Variants in TIMP2 observed in about 807,000 individuals in gnomAD.
The protein encoded by TIMP2 is metalloproteinase inhibitor 2.
A neutral mutation model predicts 24.3 loss-of-function variants in TIMP2; 5 were observed. The ratio of observed to expected loss-of-function variants is 0.21; its 90% CI spans 0.11 to 0.43. The LOEUF (loss-of-function observed/expected upper bound fraction) is 0.43. Among genes scored for constraint, TIMP2 ranks in the 20% least tolerant of loss-of-function variants. The probability of loss-of-function intolerance (pLI) is 1.00; values close to 1 mark genes in which losing one functional copy is unlikely to be tolerated. For missense variants in TIMP2, 221 were observed against 297.5 expected (o/e 0.74, Z 1.89); for synonymous variants, 130 against 123.2 (o/e 1.06, Z -0.37).
chr17:78,873,798 G>A (rs1271841032), intron 2 of TIMP2, 21 bp downstream of exon 2: 6 of 1,601,302 alleles, frequency 3.7e-6, no homozygotes, highest in Middle Eastern at 1.7e-4. Context: ...TGCAGCCCGG[G>A]ATGCCGGCAG....
At chr17:78,901,666 G>A in intron 1 of TIMP2, 1 of 711,530 alleles carries the variant, frequency 1.4e-6, no homozygotes. Context: ...CACTCTGGGT[G>A]CCTCAGTTTG....
chr17:78,855,659 A>T lies in TIMP2; in HGVS notation c.*8T>A. 1 of 1,612,996 alleles carries T rather than the reference A, an allele frequency of 6.2e-7. No individual in the cohort carries two copies. The highest frequency in any genetic ancestry group is 1.7e-5 in the Admixed American group (1 of 60,004). ...TTGCAGTTGGCCACAGGGGCGTTGG[A>T]GGCCTGCTTATGGGTCCTCGATGTC... On this transcript the variant is annotated 3_prime_UTR_variant, in exon 5 of 5. Coordinates refer to ENST00000262768, the MANE Select transcript of TIMP2 (RefSeq NM_003255.5). This position sits in a 1 kb window ranked among gnomAD's most constrained non-coding sequence, Gnocchi z 6.0.
chr17:78,875,491 A>G (rs2069720757), intron 1 of TIMP2, among the ~76,000 whole-genome samples: 1 of 152,194 alleles, frequency 6.6e-6, no homozygotes, highest in Non-Finnish European at 1.5e-5. Context: ...GAGGACAAGC[A>G]GATCAGTAGT....
At position 78,920,884 on chromosome 17, in the gene TIMP2, G is replaced by A. The variant is rs1191222478; in HGVS notation, c.130+4075C>T. ...ACCACCCCCTGCATCCCCCACCACA[G>A]GGACAATGTCTTGCTTCTCCCTTAC... On this transcript the variant is annotated intron_variant, in intron 1 of 4. Coordinates refer to ENST00000262768, the MANE Select transcript of TIMP2 (RefSeq NM_003255.5). This position sits in a 1 kb window ranked among gnomAD's most constrained non-coding sequence, Gnocchi z 4.5. Among the ~76,000 whole-genome samples, 2 of 152,058 alleles carry A rather than the reference G, an allele frequency of 1.3e-5. No individual in the cohort carries two copies. Among genetic ancestry groups the A allele is most frequent in the Non-Finnish European group, 2.9e-5 (2 of 68,026 alleles).
In TIMP2 at chr17:78,917,824, G is replaced by A. The variant is rs528212846; in HGVS notation, c.130+7135C>T. Among the ~76,000 whole-genome samples the A allele has an allele frequency of 1.5e-4, 23 of 152,288 alleles. No homozygotes were observed. In the South Asian group the frequency reaches 3.3e-3, roughly 22 times the overall value. On this transcript the variant is annotated intron_variant, in intron 1 of 4. Transcript: ENST00000262768. ...CCCCTCGTGGTGGTAGTGTCTGAGC[G>A]GATCCTGGCTGCCCAGGGCGGCCGA...
intron 1 of TIMP2, among the ~76,000 whole-genome samples, chr17:78,894,199 C>T (rs114592332): frequency 0.012 from 1,784 of 151,990 alleles, 21 homozygotes; most frequent in Non-Finnish European, 0.018. Context: ...TCCTACCCCC[C>T]CCGGTTCACA....
chr17:78,886,782 C>T (rs1363141556), intron 1 of TIMP2, among the ~76,000 whole-genome samples: 6 of 152,012 alleles, frequency 3.9e-5, no homozygotes, highest in Admixed American at 6.6e-5. Context: ...TGGAGTGCAG[C>T]GGCGCAATCA....
intron 3 of TIMP2, among the ~76,000 whole-genome samples, chr17:78,865,373 C>T (rs560365989): frequency 6.6e-6 from 1 of 151,910 alleles, no homozygotes; most frequent in Admixed American, 6.5e-5. Context: ...ACCTGTAATC[C>T]CAGCACTTTG....
At chr17:78,914,160 A>C (rs2070233682) in intron 1 of TIMP2, among the ~76,000 whole-genome samples, 3 of 152,094 alleles carry the variant, frequency 2.0e-5, no homozygotes, top group Non-Finnish European at 4.4e-5. Context: ...GGCCTGCCTG[A>C]CTTCCCCTTG....
At position 78,891,941 on chromosome 17, in the gene TIMP2, T is replaced by A. The variant is rs1466430452; in HGVS notation, c.131-18022A>T. 2 of 1,550,332 alleles carry A rather than the reference T, an allele frequency of 1.3e-6. No homozygotes were observed. Among genetic ancestry groups the A allele is most frequent in the Non-Finnish European group, 1.7e-6 (2 of 1,146,986 alleles). On this transcript the variant is annotated intron_variant, in intron 1 of 4. Coordinates refer to ENST00000262768, the MANE Select transcript of TIMP2 (RefSeq NM_003255.5). This position sits in a 1 kb window ranked among gnomAD's most constrained non-coding sequence, Gnocchi z 4.5. ...CTTCCGGGGCCTGGAGTGCCTGGGG[T>A]GTTGCTGGCCCAACTCTTCCCTGCA...
intron 1 of TIMP2, among the ~76,000 whole-genome samples, chr17:78,918,206 T>A (rs116323575): frequency 2.6e-5 from 4 of 152,246 alleles, no homozygotes; most frequent in African/African-American, 9.6e-5. Context: ...TTATAAAGAC[T>A]GTTCCTCAAT....
At chr17:78,912,267 T>TA (rs1383215953) in intron 1 of TIMP2, among the ~76,000 whole-genome samples, 1 of 152,230 alleles carries the variant, frequency 6.6e-6, no homozygotes, top group Non-Finnish European at 1.5e-5. Flanking sequence ...TGTCCTTGGT[T>TA]AAGCAGCAGC....
intron 1 of TIMP2, among the ~76,000 whole-genome samples, chr17:78,886,952 G>A (rs1043878002): frequency 1.3e-5 from 2 of 152,062 alleles, no homozygotes; most frequent in Non-Finnish European, 2.9e-5. Context: ...ATATTCCTGG[G>A]CTCAAGCCAT....
chr17:78,871,166 G>A (rs1274019788), intron 2 of TIMP2, among the ~76,000 whole-genome samples, 160 bp from the exon 3 acceptor site: 5 of 152,098 alleles, frequency 3.3e-5, no homozygotes, highest in South Asian at 2.1e-4. Flanking sequence ...GGAAAAGACC[G>A]TTCCAGCTGG....
chr17:78,896,747 A>G lies in TIMP2; in HGVS notation c.131-22828T>C, dbSNP rs1305252969. 6.6e-6 allele frequency among the ~76,000 whole-genome samples: 1 copy of G among 152,104 alleles called. No homozygotes were observed. Among genetic ancestry groups the G allele is most frequent in the African/African-American group, 2.4e-5 (1 of 41,404 alleles). ...GCAGAAGGAAGGCGAGTGGACACCAATCTGGCCTCCGGACGGCACCAGGGC... is the reference window on the plus strand; with the variant it reads ...GCAGAAGGAAGGCGAGTGGACACCAGTCTGGCCTCCGGACGGCACCAGGGC... On this transcript the variant is annotated intron_variant, in intron 1 of 4. Coordinates refer to ENST00000262768, the MANE Select transcript of TIMP2 (RefSeq NM_003255.5). This position sits in a 1 kb window ranked among gnomAD's most constrained non-coding sequence, Gnocchi z 4.4.
chr17:78,859,366 A>T (rs867785831), intron 3 of TIMP2, among the ~76,000 whole-genome samples: 2 of 151,854 alleles, frequency 1.3e-5, no homozygotes, highest in African/African-American at 4.8e-5. Context: ...TCATTTAAAA[A>T]CTCATCCCTC....
At position 78,855,784 on chromosome 17, in the gene TIMP2, G is replaced by A. The variant is rs916340979; in HGVS notation, c.546C>T (p.Asn182=). 6.2e-6 allele frequency: 10 copies of A among 1,614,086 alleles called. No individual in the cohort carries two copies. The highest frequency in any genetic ancestry group is 1.7e-5 in the Admixed American group (1 of 60,004). The change falls in exon 5 of 5, where the codon AAC becomes AAT. Residue 182 remains asparagine (N), a synonymous_variant. Transcript: ENST00000262768. This position sits in a 1 kb window ranked among gnomAD's most constrained non-coding sequence, Gnocchi z 6.0. The part of the protein sequence containing the change: ...CLWMDWVTEK[N]INGHQAKFFA... Reference sequence around the variant, plus strand: ...AGAACTTGGCCTGGTGCCCGTTGATGTTCTTCTCTGTGACCCAGTCCATCC... The same window carrying A: ...AGAACTTGGCCTGGTGCCCGTTGATATTCTTCTCTGTGACCCAGTCCATCC...
At chr17:78,919,097 C>A (rs1161669184) in intron 1 of TIMP2, among the ~76,000 whole-genome samples, 1 of 152,278 alleles carries the variant, frequency 6.6e-6, no homozygotes, top group Non-Finnish European at 1.5e-5. Context: ...CTGGTCTATG[C>A]CAACTTTGGC....
chr17:78,921,736 C>A (rs1474729387), intron 1 of TIMP2, among the ~76,000 whole-genome samples: 2 of 152,214 alleles, frequency 1.3e-5, no homozygotes, highest in African/African-American at 4.8e-5. Context: ...GACCTGGGGC[C>A]TTCCAGGAAG....
Sources: gnomAD v4.1 joint callset for allele counts (sites outside exome capture counted in the v4.1 genomes callset) on GRCh38, gnomAD v4.1.1 for gene constraint, Gnocchi (gnomAD v3.1) non-coding constraint, MANE v1.5 for transcripts, NCBI Gene and HGNC (gene_info 2026-07-23, HGNC 2026-07-21) for gene names.